Variants in ATRNL1 observed in about 807,000 individuals in gnomAD.
ATRNL1 encodes attractin-like protein 1.
In ATRNL1, 95 loss-of-function variants were observed where a neutral mutation model predicts 182.7. The observed-to-expected ratio is 0.52, with a 90% confidence interval of 0.44 to 0.62. The LOEUF (loss-of-function observed/expected upper bound fraction) is 0.62. Among genes scored for constraint, ATRNL1 ranks in the 20% least tolerant of loss-of-function variants. The pLI is 0.00. For missense variants in ATRNL1, 1,471 were observed against 1,679.5 expected (o/e 0.88, Z 2.17); for synonymous variants, 576 against 568.3 (o/e 1.01, Z -0.19).
chr10:115,362,941 T>C (rs1554944740), intron 19 of ATRNL1, among the ~76,000 whole-genome samples: 1 of 152,082 alleles, frequency 6.6e-6, no homozygotes, highest in Non-Finnish European at 1.5e-5. Flanking sequence ...TTGGGTTGGT[T>C]CCAAGTCTTT....
chr10:115,472,664 G>T (rs1848358362), intron 24 of ATRNL1, among the ~76,000 whole-genome samples: 1 of 150,988 alleles, frequency 6.6e-6, no homozygotes, highest in African/African-American at 2.4e-5. Context: ...TTAATGTATA[G>T]AATTCAACTG....
chr10:115,530,174 T>C (rs1851482761), intron 25 of ATRNL1, among the ~76,000 whole-genome samples: 2 of 152,204 alleles, frequency 1.3e-5, no homozygotes, highest in Admixed American at 1.3e-4. Flanking sequence ...TGAATAATAC[T>C]ACTATGCACA....
chr10:115,904,492 G>A (rs1952443096), intron 28 of ATRNL1, among the ~76,000 whole-genome samples: 1 of 152,174 alleles, frequency 6.6e-6, no homozygotes, highest in Non-Finnish European at 1.5e-5. Flanking sequence ...CAGTCACCAT[G>A]GGATCACTAT....
chr10:115,358,975 C>G (rs915060093), intron 19 of ATRNL1, among the ~76,000 whole-genome samples: 2 of 151,622 alleles, frequency 1.3e-5, no homozygotes, highest in Non-Finnish European at 3.0e-5. Flanking sequence ...TACTTCATAT[C>G]CAACCACTCC....
intron 24 of ATRNL1, among the ~76,000 whole-genome samples, chr10:115,496,150 T>A (rs1849540110): frequency 6.6e-6 from 1 of 152,224 alleles, no homozygotes; most frequent in African/African-American, 2.4e-5. Flanking sequence ...CTTGCTGTTT[T>A]CTGTTTTTCA....
intron 25 of ATRNL1, among the ~76,000 whole-genome samples, chr10:115,527,101 G>A (rs1851254906): frequency 6.7e-6 from 1 of 148,230 alleles, no homozygotes; most frequent in African/African-American, 2.5e-5. Flanking sequence ...TCTGCCATCA[G>A]GGATCAGAGA....
intron 26 of ATRNL1, among the ~76,000 whole-genome samples, chr10:115,598,515 C>A (rs1856406948): frequency 6.6e-6 from 1 of 151,432 alleles, no homozygotes; most frequent in Admixed American, 6.6e-5. Context: ...AGGCACACAC[C>A]ACCACGCCTG....
At chr10:115,583,660 T>C (rs1245938986) in intron 26 of ATRNL1, among the ~76,000 whole-genome samples, 3 of 145,978 alleles carry the variant, frequency 2.1e-5, no homozygotes, top group Non-Finnish European at 4.6e-5. Context: ...GCTGAGACAA[T>C]GGGGTTTTCT....
Position 115,299,179 on chromosome 10 carries a change from A to G in ATRNL1, c.2416-855A>G, listed in dbSNP as rs551910844. 1.2e-3 allele frequency among the ~76,000 whole-genome samples: 180 copies of G among 151,934 alleles called. 1 individual carries two copies. The highest frequency in any genetic ancestry group is 4.1e-3 in the African/African-American group (170 of 41,524). ...TTTTGGAAAATAAATCTATTATCATATATATTAAAATAGAGATGTTTATAA... is the reference window on the plus strand; with the variant it reads ...TTTTGGAAAATAAATCTATTATCATGTATATTAAAATAGAGATGTTTATAA... On this transcript the variant is annotated intron_variant, in intron 15 of 28. Transcript: ENST00000355044.
At chr10:115,853,629 C>A (rs77017290) in intron 28 of ATRNL1, among the ~76,000 whole-genome samples, 1 of 152,178 alleles carries the variant, frequency 6.6e-6, no homozygotes, top group Non-Finnish European at 1.5e-5. Flanking sequence ...TTAGCACTTT[C>A]TTTGTTAGAG....
chr10:115,866,516 T>C (rs1451304791), intron 28 of ATRNL1, among the ~76,000 whole-genome samples: 1 of 152,196 alleles, frequency 6.6e-6, no homozygotes, highest in Non-Finnish European at 1.5e-5. Flanking sequence ...TTTGACAAAT[T>C]AGCAAAATCA....
rs985858832 is a variant in ATRNL1 at position 115,946,388 on chromosome 10, A to G, written c.*1609A>G. 6.6e-6 allele frequency: 1 copy of G among 152,208 alleles called. No homozygotes were observed. The highest frequency in any genetic ancestry group is 1.5e-5 in the Non-Finnish European group (1 of 68,032). 9.4% of individuals were successfully genotyped at this position (152,208 alleles called of 1,614,324 possible). ...ATTTGATGAGGATTGAATGTCATAT[A>G]TAAGAGGAATGATCATACAATATGT... On this transcript the variant is annotated 3_prime_UTR_variant, in exon 29 of 29. Coordinates refer to ENST00000355044, the MANE Select transcript of ATRNL1 (RefSeq NM_207303.4).
chr10:115,710,287 A>T (rs1947024924), intron 26 of ATRNL1, among the ~76,000 whole-genome samples: 1 of 152,126 alleles, frequency 6.6e-6, no homozygotes, highest in Non-Finnish European at 1.5e-5. Flanking sequence ...TATTGACAGA[A>T]AGAGCATAAT....
At chr10:115,944,182 G>A (rs1285001176) in intron 28 of ATRNL1, among the ~76,000 whole-genome samples, 1 of 148,980 alleles carries the variant, frequency 6.7e-6, no homozygotes, top group Non-Finnish European at 1.5e-5. Flanking sequence ...TGTAAATTAT[G>A]GACTTCAGTT....
At chr10:115,825,280 G>A (rs191787904) in intron 27 of ATRNL1, among the ~76,000 whole-genome samples, 7 of 152,176 alleles carry the variant, frequency 4.6e-5, no homozygotes, top group South Asian at 2.1e-4. Context: ...AGGGCCTGTC[G>A]GGGGTTGGGG....
intron 24 of ATRNL1, among the ~76,000 whole-genome samples, chr10:115,514,708 C>A (rs150131373): frequency 1.3e-3 from 192 of 151,922 alleles, no homozygotes; most frequent in African/African-American, 4.3e-3. Flanking sequence ...AATGCCAAAT[C>A]CTTTATATGT....
intron 15 of ATRNL1, among the ~76,000 whole-genome samples, chr10:115,298,257 C>T (rs1274689522): frequency 6.6e-6 from 1 of 152,082 alleles, no homozygotes; most frequent in Non-Finnish European, 1.5e-5. Context: ...ATTTACTTAT[C>T]AGAAATGGCT....
intron 17 of ATRNL1, among the ~76,000 whole-genome samples, chr10:115,314,736 G>A (rs1203244453): frequency 2.0e-5 from 3 of 152,186 alleles, no homozygotes; most frequent in Admixed American, 1.3e-4. Flanking sequence ...TATAATGTCT[G>A]CTTATCTTTG....
intron 25 of ATRNL1, among the ~76,000 whole-genome samples, chr10:115,540,359 C>T (rs547379373): frequency 4.6e-5 from 7 of 152,110 alleles, no homozygotes; most frequent in Admixed American, 1.3e-4. Flanking sequence ...GTGACCATAG[C>T]CTCCAGATGG....
Sources: allele counts gnomAD v4.1 joint callset (sites outside exome capture counted in the v4.1 genomes callset), GRCh38; gene constraint gnomAD v4.1.1; transcripts MANE v1.5; gene names NCBI Gene and HGNC (gene_info 2026-07-23, HGNC 2026-07-21).